The following PAQR5 variants were observed in gnomAD, a reference collection of about 807,000 sequenced individuals.
PAQR5 encodes the protein progestin and adipoQ receptor family member 5, also known as membrane progestin receptor gamma.
Under a neutral mutation model 34.5 loss-of-function variants are expected in PAQR5, and 20 were observed. The observed-to-expected ratio is 0.58, with a 90% CI of 0.41 to 0.84. PAQR5 has a LOEUF of 0.84. Ranked by LOEUF, PAQR5 falls within the 40% of genes least tolerant of loss-of-function variation. The pLI is 0.00. For missense variants in PAQR5, 378 were observed against 412.7 expected (o/e 0.92, Z 0.73); for synonymous variants, 131 against 155.6 (o/e 0.84, Z 1.18).
chr15:69,350,555 ATCGC>A (rs2054889990), intron 2 of PAQR5, among the ~76,000 whole-genome samples: 1 of 152,136 alleles, frequency 6.6e-6, no homozygotes, highest in South Asian at 2.1e-4. Context: ...AGGCGCAAGA[ATCGC>A]TTGAACTCAA....
rs553150595 is a variant in PAQR5, at chr15:69,399,900, C to T, written c.610-74C>T. ...GTCAGAGCCCCCAAAGTCCCAGATG[C>T]AGGTGCTGAGAAGGAAGAGGGCCTG... On this transcript the variant is annotated intron_variant, in intron 7 of 8. Coordinates refer to ENST00000395407, the MANE Select transcript of PAQR5 (RefSeq NM_017705.4). 6.2e-4 allele frequency: 914 copies of T among 1,479,464 alleles called. 1 individual carries two copies. The highest frequency in any genetic ancestry group is 3.8e-3 in the Middle Eastern group (21 of 5,566). The allele number at this position is 1,479,464 out of a possible 1,614,324, so 91.6% of individuals were successfully genotyped here.
chr15:69,326,137 C>T (rs986676877), intron 1 of PAQR5, among the ~76,000 whole-genome samples: 28 of 152,134 alleles, frequency 1.8e-4, no homozygotes, highest in African/African-American at 6.8e-4. Flanking sequence ...CCATTGATGT[C>T]GTCATTTTCC....
intron 3 of PAQR5, among the ~76,000 whole-genome samples, chr15:69,361,845 A>G (rs2055241999): frequency 6.6e-6 from 1 of 152,064 alleles, no homozygotes; most frequent in Admixed American, 6.6e-5. Context: ...AGGCTTCATG[A>G]AGGGGGTGAT....
chr15:69,390,344 A>ATTTTTTTTT (rs201375546), intron 6 of PAQR5, among the ~76,000 whole-genome samples: 5 of 118,984 alleles, frequency 4.2e-5, no homozygotes, highest in Admixed American at 9.3e-5. Flanking sequence ...TTATTTATTT[A>ATTTTTTTTT]TTTATTTATT....
chr15:69,360,266 C>T (rs1369436015), intron 3 of PAQR5, 135 bp downstream of exon 3: 4 of 588,106 alleles, frequency 6.8e-6, no homozygotes, highest in African/African-American at 1.9e-5. Flanking sequence ...TCCCACACTT[C>T]CTTGGGGGAT....
chr15:69,332,353 TTC>T (rs2054400904), intron 1 of PAQR5, among the ~76,000 whole-genome samples: 2 of 152,212 alleles, frequency 1.3e-5, no homozygotes, highest in East Asian at 1.9e-4. Flanking sequence ...TGGATGAAAT[TTC>T]TCTGTCTTGC....
In PAQR5 at chr15:69,305,196, T is replaced by C. The variant is rs761423428; in HGVS notation, c.-277+6140T>C. On this transcript the variant is annotated intron_variant, in intron 1 of 8. Transcript: ENST00000395407. ...CTTCTACCCAGCAGACACTGCACCA[T>C]CACATCCCCTTCCCTTCCTGGCAAC... Among the ~76,000 whole-genome samples the C allele has an allele frequency of 5.6e-4, 85 of 152,254 alleles. 1 individual carries two copies. The highest frequency in any genetic ancestry group is 3.7e-3 in the Admixed American group (56 of 15,294).
At chr15:69,330,814 C>G (rs1238596680) in intron 1 of PAQR5, among the ~76,000 whole-genome samples, 1 of 152,216 alleles carries the variant, frequency 6.6e-6, no homozygotes, top group Non-Finnish European at 1.5e-5. Flanking sequence ...TTGCAATTCC[C>G]CTGTCTTGAT....
intron 3 of PAQR5, among the ~76,000 whole-genome samples, chr15:69,361,372 A>G (rs4777136): frequency 0.94 from 143,166 of 152,282 alleles, 67,954 homozygotes; most frequent in East Asian, 1. Flanking sequence ...TGTGCATGAG[A>G]AATTCTTTTC....
Position 69,360,110 on chromosome 15 carries a change from TAGC to T in PAQR5, c.32_34del (p.Ser11del), listed in dbSNP as rs563457843. On this transcript the variant is annotated inframe_deletion, in exon 3 of 9. Transcript: ENST00000395407. ...TGAGCCTGAAGCTCCCCAGGCTGTT[TAGC>T]ATAGACCAGATACCCCAGGTATGTG... 326 of 1,613,832 alleles carry T rather than the reference TAGC, an allele frequency of 2.0e-4. 6 individuals are homozygous for T. In the South Asian group the frequency reaches 3.4e-3, roughly 17 times the overall value.
chr15:69,372,185 A>T (rs1044271048), intron 3 of PAQR5, among the ~76,000 whole-genome samples: 1 of 152,326 alleles, frequency 6.6e-6, no homozygotes, highest in Non-Finnish European at 1.5e-5. Context: ...CTTTCAAGCC[A>T]CCTTACATGT....
At chr15:69,305,171 C>T (rs1696823717) in intron 1 of PAQR5, among the ~76,000 whole-genome samples, 1 of 152,140 alleles carries the variant, frequency 6.6e-6, no homozygotes, top group Non-Finnish European at 1.5e-5. Context: ...GTAGCCCTGG[C>T]TTCTACCCAG....
At chr15:69,346,323 T>TTG (rs1397842208) in intron 2 of PAQR5, among the ~76,000 whole-genome samples, 1 of 146,126 alleles carries the variant, frequency 6.8e-6, no homozygotes, top group Non-Finnish European at 1.5e-5. Context: ...TTTTTTTTTT[T>TTG]GCGACAGGGT....
At chr15:69,398,139 T>G (rs1392358962) in intron 7 of PAQR5, among the ~76,000 whole-genome samples, 1 of 152,186 alleles carries the variant, frequency 6.6e-6, no homozygotes, top group Non-Finnish European at 1.5e-5. Flanking sequence ...ACATGTCAAG[T>G]GCTGACTGGT....
chr15:69,398,739 A>AGCAGACCACACACAGGAAAC (rs1471583636), intron 7 of PAQR5, among the ~76,000 whole-genome samples: 2 of 152,226 alleles, frequency 1.3e-5, no homozygotes, highest in East Asian at 3.9e-4. Context: ...CCAAGAGCAG[A>AGCAGACCACACACAGGAAAC]CAGAGCAATT....
At chr15:69,381,299 A>C (rs956154438) in intron 4 of PAQR5, among the ~76,000 whole-genome samples, 1 of 152,170 alleles carries the variant, frequency 6.6e-6, no homozygotes, top group African/African-American at 2.4e-5. Flanking sequence ...ACCCAGGAGC[A>C]TCTGTGCTGT....
chr15:69,316,408 T>A (rs977906040), intron 1 of PAQR5, among the ~76,000 whole-genome samples: 1 of 152,070 alleles, frequency 6.6e-6, no homozygotes, highest in Middle Eastern at 3.2e-3. Context: ...GCATTTTGCC[T>A]CAGCCCTTTA....
At chr15:69,302,263 G>T (rs1356018634) in intron 1 of PAQR5, among the ~76,000 whole-genome samples, 1 of 151,958 alleles carries the variant, frequency 6.6e-6, no homozygotes. Context: ...TGTAGAGGTG[G>T]GGTCTCACTA....
At chr15:69,372,921 A>G (rs9635370) in intron 3 of PAQR5, among the ~76,000 whole-genome samples, 124,517 of 152,080 alleles carry the variant, frequency 0.82, 53,418 homozygotes, top group Non-Finnish European at 0.96. Context: ...AAACAAATAT[A>G]TGATCTTACA....
Sources: gnomAD v4.1 joint callset for allele counts (sites outside exome capture counted in the v4.1 genomes callset) on GRCh38, gnomAD v4.1.1 for gene constraint, MANE v1.5 for transcripts, NCBI Gene and HGNC (gene_info 2026-07-23, HGNC 2026-07-21) for gene names.